Variants in SRGAP1 observed in about 807,000 individuals in gnomAD.
SRGAP1 encodes SLIT-ROBO Rho GTPase-activating protein 1.
Under a neutral mutation model 121.9 loss-of-function variants are expected in SRGAP1, and 43 were observed. That is an observed-to-expected ratio of 0.35 (90% CI 0.28 to 0.46). SRGAP1 has a LOEUF of 0.46. SRGAP1 is among the 20% of genes least tolerant of loss of function. SRGAP1 has a pLI of 1.00. For synonymous variants in SRGAP1, 447 were observed against 485.4 expected (o/e 0.92, Z 1.04); for missense variants, 1,102 against 1,350.9 (o/e 0.82, Z 2.89).
At chr12:64,135,907 G>C (rs2036849818) in intron 21 of SRGAP1, among the ~76,000 whole-genome samples, 1 of 152,212 alleles carries the variant, frequency 6.6e-6, no homozygotes, top group Non-Finnish European at 1.5e-5. Flanking sequence ...CCGTCTGCAG[G>C]CTGAGGAGCA....
chr12:64,135,068 G>C (rs575068948), intron 21 of SRGAP1, among the ~76,000 whole-genome samples: 1 of 152,290 alleles, frequency 6.6e-6, no homozygotes, highest in Non-Finnish European at 1.5e-5. Context: ...CTCAGACAAA[G>C]GTGGAAAGGC....
chr12:64,034,352 G>A (rs893943860), intron 4 of SRGAP1, among the ~76,000 whole-genome samples: 1 of 152,102 alleles, frequency 6.6e-6, no homozygotes, highest in African/African-American at 2.4e-5. Context: ...GTTTCCTGAA[G>A]CCTCCCCAGC....
chr12:63,876,598 T>G (rs183586255), intron 1 of SRGAP1, among the ~76,000 whole-genome samples: 1 of 152,350 alleles, frequency 6.6e-6, no homozygotes, highest in Admixed American at 6.5e-5. Context: ...TTCAAGATGT[T>G]TCTACCATTT....
At chr12:63,996,146 C>T (rs982490419) in intron 3 of SRGAP1, among the ~76,000 whole-genome samples, 4 of 151,354 alleles carry the variant, frequency 2.6e-5, no homozygotes, top group African/African-American at 9.7e-5. Context: ...TTAGAAAACG[C>T]TATAAATATA....
chr12:63,955,401 G>C lies in SRGAP1; in HGVS notation c.68-28546G>C, dbSNP rs570969110. Among the ~76,000 whole-genome samples the C allele has an allele frequency of 2.0e-5, 3 of 152,332 alleles. No individual in the cohort carries two copies. The East Asian group carries it at 5.8e-4, about 29-fold the overall frequency. ...TTTTGATATAGTTATGCATTGTGGA[G>C]TGGCTAAATCAAGCTAATTAACACA... On this transcript the variant is annotated intron_variant, in intron 1 of 21. Coordinates refer to ENST00000355086, the MANE Select transcript of SRGAP1 (RefSeq NM_020762.4).
chr12:63,885,374 G>A (rs2136290623), intron 1 of SRGAP1, among the ~76,000 whole-genome samples: 1 of 152,278 alleles, frequency 6.6e-6, no homozygotes. Context: ...ATGGAGTAAG[G>A]CACGCAGAGC....
At chr12:63,996,905 G>A (rs1252377662) in intron 3 of SRGAP1, among the ~76,000 whole-genome samples, 1 of 151,984 alleles carries the variant, frequency 6.6e-6, no homozygotes, top group Non-Finnish European at 1.5e-5. Flanking sequence ...GTAATTTTCT[G>A]AAATATTTTA....
chr12:63,906,855 C>A (rs2030235810), intron 1 of SRGAP1, among the ~76,000 whole-genome samples: 1 of 151,844 alleles, frequency 6.6e-6, no homozygotes, highest in Non-Finnish European at 1.5e-5. Context: ...ACTATACTCA[C>A]CCACTTTTAA....
intron 2 of SRGAP1, among the ~76,000 whole-genome samples, chr12:63,985,674 C>A (rs531071363): frequency 3.9e-5 from 6 of 152,118 alleles, no homozygotes; most frequent in Non-Finnish European, 8.8e-5. Flanking sequence ...TTGTATCCAC[C>A]CTTTAATTTC....
chr12:64,093,840 T>A (rs188673976), intron 12 of SRGAP1, among the ~76,000 whole-genome samples: 12 of 152,146 alleles, frequency 7.9e-5, no homozygotes, highest in Non-Finnish European at 1.3e-4. Context: ...ATAAGACAAT[T>A]CCTTAAGAAG....
chr12:64,074,494 A>G (rs1440885744), intron 8 of SRGAP1, among the ~76,000 whole-genome samples: 1 of 152,184 alleles, frequency 6.6e-6, no homozygotes, highest in Non-Finnish European at 1.5e-5. Flanking sequence ...TACTTCTCAT[A>G]TAAAGCTACT....
At position 64,127,929 on chromosome 12, in the gene SRGAP1, C is replaced by G; in HGVS notation, c.2609C>G (p.Pro870Arg). ...GGCAGGACCAGTGATGGCCATTGCC[C>G]GCTCCACCCTCCACATGCCCTTTCT... ...RPGRTSDGHC[P>R]LHPPHALSNS... Residue 870 changes from proline to arginine, a missense_variant, in exon 21 of 22, where the codon CCG becomes CGG. Transcript: ENST00000355086. The G allele has an allele frequency of 6.2e-7, 1 of 1,614,182 alleles. No homozygotes were observed. The highest frequency in any genetic ancestry group is 1.1e-5 in the South Asian group (1 of 91,078).
chr12:64,041,504 C>T (rs897273366), intron 4 of SRGAP1, among the ~76,000 whole-genome samples: 165 of 152,028 alleles, frequency 1.1e-3, no homozygotes, highest in African/African-American at 3.6e-3. Flanking sequence ...CTCGCCCCAG[C>T]CTCCCAAGTA....
rs754452838 is a variant in SRGAP1 at position 63,976,687 on chromosome 12, A to G, written c.68-7260A>G. On this transcript the variant is annotated intron_variant, in intron 1 of 21. Transcript: ENST00000355086. The stretch of plus-strand genomic sequence containing the variant: ...GTTTACAGATTGCAGCATGCTTTTC[A>G]CTTATATCATCTCATTTAATTCTCA... Among the ~76,000 whole-genome samples the G allele has an allele frequency of 3.9e-4, 60 of 152,178 alleles. 1 individual carries two copies. Among genetic ancestry groups the G allele is most frequent in the Non-Finnish European group, 7.8e-4 (53 of 68,026 alleles).
chr12:64,116,293 T>C (rs2036522350), intron 18 of SRGAP1, among the ~76,000 whole-genome samples: 1 of 149,088 alleles, frequency 6.7e-6, no homozygotes, highest in East Asian at 1.9e-4. Flanking sequence ...TAAAAAAAAT[T>C]CATAAAATAT....
At chr12:64,051,564 CTG>C (rs2035240136) in intron 6 of SRGAP1, among the ~76,000 whole-genome samples, 1 of 152,158 alleles carries the variant, frequency 6.6e-6, no homozygotes, top group South Asian at 2.1e-4. Flanking sequence ...GTCATTGACA[CTG>C]TATTTAATGG....
At chr12:63,944,652 T>C (rs1368464344) in intron 1 of SRGAP1, among the ~76,000 whole-genome samples, 1 of 152,182 alleles carries the variant, frequency 6.6e-6, no homozygotes, top group African/African-American at 2.4e-5. Flanking sequence ...AAGCTTCTGC[T>C]ATGTAAACAG....
At chr12:63,883,900 C>T (rs1160088539) in intron 1 of SRGAP1, among the ~76,000 whole-genome samples, 5 of 151,106 alleles carry the variant, frequency 3.3e-5, no homozygotes, top group South Asian at 2.1e-4. Context: ...CGTCGTGATC[C>T]GCCCGTCTCG....
At chr12:63,898,399 A>T (rs1027098333) in intron 1 of SRGAP1, among the ~76,000 whole-genome samples, 1 of 152,248 alleles carries the variant, frequency 6.6e-6, no homozygotes, top group African/African-American at 2.4e-5. Context: ...TGTTAACTTG[A>T]ATGAGAACAT....
Sources: gnomAD v4.1 joint callset for allele counts (sites outside exome capture counted in the v4.1 genomes callset) on GRCh38, gnomAD v4.1.1 for gene constraint, MANE v1.5 for transcripts, NCBI Gene and HGNC (gene_info 2026-07-23, HGNC 2026-07-21) for gene names.